Variants in SHCBP1 observed in about 807,000 individuals in gnomAD.
SHCBP1 encodes SHC binding and spindle associated 1.
SHCBP1 carries 60 observed loss-of-function variants against 75.1 expected under a neutral mutation model. The ratio of observed to expected loss-of-function variants is 0.80; its 90% CI spans 0.65 to 0.99. The LOEUF (loss-of-function observed/expected upper bound fraction) is 0.99, where lower values mean the gene tolerates loss of function less well. Among genes scored for constraint, SHCBP1 ranks in the 50% least tolerant of loss-of-function variants. The pLI, the probability that SHCBP1 is intolerant of heterozygous loss-of-function variation, is 0.00. For missense variants in SHCBP1, 709 were observed against 809.4 expected, an observed-to-expected ratio of 0.88 and a Z score of 1.50; for synonymous variants, 290 against 293.2, an observed-to-expected ratio of 0.99 and a Z score of 0.11.
chr16:46,607,954 T>C (rs541915993), intron 5 of SHCBP1, among the ~76,000 whole-genome samples: 3 of 152,362 alleles, frequency 2.0e-5, no homozygotes, highest in Admixed American at 1.3e-4. Context: ...AAAGGGCTTC[T>C]TAACCCACTA....
At chr16:46,612,928 C>T (rs1965442877) in intron 4 of SHCBP1, among the ~76,000 whole-genome samples, 1 of 152,178 alleles carries the variant, frequency 6.6e-6, no homozygotes, top group African/African-American at 2.4e-5. Flanking sequence ...AGCCATTGTA[C>T]TTTCTCAGTA....
Position 46,583,987 on chromosome 16 carries a change from T to C in SHCBP1, c.1551+16A>G. ...ATTCTATCCATTGAAAAGTGGGTGT[T>C]TTGGCTGATGCTCACCTTAATGAGG... On this transcript the variant is annotated intron_variant, in intron 11 of 12. Transcript: ENST00000303383. 1 of 1,593,786 alleles carries C rather than the reference T, an allele frequency of 6.3e-7. No homozygotes were observed.
At chr16:46,621,083 C>T (rs1965581726) in intron 1 of SHCBP1, among the ~76,000 whole-genome samples, 174 bp downstream of exon 1, 1 of 152,222 alleles carries the variant, frequency 6.6e-6, no homozygotes, top group African/African-American at 2.4e-5. Context: ...TCCCCCACCC[C>T]TGGGTACCGC....
At chr16:46,592,787 CA>C (rs1434160399) in intron 10 of SHCBP1, among the ~76,000 whole-genome samples, 7 of 151,414 alleles carry the variant, frequency 4.6e-5, no homozygotes, top group Non-Finnish European at 1.0e-4. Context: ...AAGGCTGGCT[CA>C]AAATTTGAAA....
Position 46,615,605 on chromosome 16 carries a change from T to G in SHCBP1, c.596+341A>C, listed in dbSNP as rs374873482. Among the ~76,000 whole-genome samples, 16 of 152,146 alleles carry G rather than the reference T, an allele frequency of 1.1e-4. No homozygotes were observed. The East Asian group carries it at 2.9e-3, about 28-fold the overall frequency. On this transcript the variant is annotated intron_variant, in intron 4 of 12. Coordinates refer to ENST00000303383, the MANE Select transcript of SHCBP1 (RefSeq NM_024745.5). ...AAATACAAAAATTAGCAGGACATGG[T>G]GGTGCACACCTGTAATCCCAGCTAC...
rs192597248 is a variant in SHCBP1, at chr16:46,593,357, A to G, written c.1464+2195T>C. On this transcript the variant is annotated intron_variant, in intron 10 of 12. Coordinates refer to ENST00000303383, the MANE Select transcript of SHCBP1 (RefSeq NM_024745.5). ...GAAATTAATACCATAATCACTCAAA[A>G]AAGTGAAATAATTAGGTACAAATCT... Among the ~76,000 whole-genome samples the G allele has an allele frequency of 2.2e-3, 341 of 152,320 alleles. No individual in the cohort carries two copies. In the Middle Eastern group the frequency reaches 0.024, roughly 11 times the overall value.
chr16:46,582,183 C>G, intron 12 of SHCBP1, 129 bp from the exon 13 acceptor site: 1 of 859,442 alleles, frequency 1.2e-6, no homozygotes. Context: ...GACCCTCACA[C>G]AGGATCACCA....
intron 4 of SHCBP1, among the ~76,000 whole-genome samples, chr16:46,609,639 A>G (rs952928970): frequency 6.6e-6 from 1 of 151,216 alleles, no homozygotes; most frequent in Non-Finnish European, 1.5e-5. Flanking sequence ...TTTAGTAGAG[A>G]GGCATTTTGC....
In SHCBP1 at chr16:46,602,227, C is replaced by A. The variant is rs1486428276; in HGVS notation, c.1213+1312G>T. 3.3e-5 allele frequency among the ~76,000 whole-genome samples: 5 copies of A among 152,254 alleles called. 1 individual carries two copies. The highest frequency in any genetic ancestry group is 6.5e-5 in the Admixed American group (1 of 15,292). ...GCCAAAAAATAAAGTGTTTTTATCA[C>A]AGTGATTTATCTTGCAGATGTGTTA... On this transcript the variant is annotated intron_variant, in intron 8 of 12. Transcript: ENST00000303383.
Position 46,592,951 on chromosome 16 carries a change from CAAAAAA to C in SHCBP1, c.1464+2595_1464+2600del. 3.5e-3 allele frequency among the ~76,000 whole-genome samples: 80 copies of C among 22,796 alleles called. 1 individual carries two copies. Among genetic ancestry groups the C allele is most frequent in the Admixed American group, 2.1e-3 (2 of 958 alleles). 15.0% of individuals were successfully genotyped at this position (22,796 alleles called of 152,430 possible). A position where few individuals can be genotyped will look rare whatever the true frequency, so the allele number is the denominator to read the frequency against. On this transcript the variant is annotated intron_variant, in intron 10 of 12. Transcript: ENST00000303383. ...AACATCCACTTATGATAAAAATTCT[CAAAAAA>C]AAAAAAAAAAAAAAAAAAAGCAGAA...
intron 4 of SHCBP1, among the ~76,000 whole-genome samples, chr16:46,608,762 G>C (rs1006755449): frequency 2.6e-5 from 4 of 151,936 alleles, no homozygotes; most frequent in Non-Finnish European, 5.9e-5. Flanking sequence ...ACCACACCCA[G>C]CTAATTTTTT....
At chr16:46,600,464 C>T (rs147568720) in intron 8 of SHCBP1, among the ~76,000 whole-genome samples, 5 of 151,864 alleles carry the variant, frequency 3.3e-5, no homozygotes, top group African/African-American at 1.2e-4. Context: ...CAGAATGAGA[C>T]CCCATCTCAA....
chr16:46,612,747 C>T (rs963412005), intron 4 of SHCBP1, among the ~76,000 whole-genome samples: 1 of 152,172 alleles, frequency 6.6e-6, no homozygotes, highest in Non-Finnish European at 1.5e-5. Flanking sequence ...TATTCCATGA[C>T]TCGGCTCCAA....
At chr16:46,594,939 G>A (rs1161291996) in intron 10 of SHCBP1, among the ~76,000 whole-genome samples, 1 of 152,172 alleles carries the variant, frequency 6.6e-6, no homozygotes, top group East Asian at 1.9e-4. Flanking sequence ...TACATACAAC[G>A]ACCTAGGTGA....
intron 10 of SHCBP1, among the ~76,000 whole-genome samples, chr16:46,589,512 C>T (rs1325874252): frequency 6.6e-6 from 1 of 152,186 alleles, no homozygotes; most frequent in Non-Finnish European, 1.5e-5. Context: ...AAATCACAAG[C>T]ATTCCTATAC....
chr16:46,608,208 T>G (rs748522652), intron 5 of SHCBP1, 89 bp downstream of exon 5: 8 of 757,056 alleles, frequency 1.1e-5, no homozygotes, highest in Non-Finnish European at 1.6e-5. Flanking sequence ...TGTGGGTGTG[T>G]GTGTGTGTGT....
At chr16:46,609,801 G>C (rs1965380090) in intron 4 of SHCBP1, among the ~76,000 whole-genome samples, 1 of 151,832 alleles carries the variant, frequency 6.6e-6, no homozygotes, top group Non-Finnish European at 1.5e-5. Flanking sequence ...AATTTATTAT[G>C]GAAAATCCTA....
At chr16:46,586,828 C>A (rs946876990) in intron 10 of SHCBP1, among the ~76,000 whole-genome samples, 2 of 152,046 alleles carry the variant, frequency 1.3e-5, no homozygotes, top group African/African-American at 4.8e-5. Context: ...AAATTGTCAA[C>A]CCAGAATCCT....
At chr16:46,586,951 G>A (rs1412575572) in intron 10 of SHCBP1, among the ~76,000 whole-genome samples, 1 of 151,706 alleles carries the variant, frequency 6.6e-6, no homozygotes, top group Non-Finnish European at 1.5e-5. Flanking sequence ...ATGACTAAAG[G>A]AAGTTATCTA....
Sources: gnomAD v4.1 joint callset for allele counts (sites outside exome capture counted in the v4.1 genomes callset) on GRCh38, gnomAD v4.1.1 for gene constraint, MANE v1.5 for transcripts, NCBI Gene and HGNC (gene_info 2026-07-23, HGNC 2026-07-21) for gene names.